HAVCR2: variants seen among roughly 807,000 people sequenced by gnomAD.
The protein encoded by HAVCR2 is hepatitis A virus cellular receptor 2, also known as T cell immunoglobulin mucin 3.
HAVCR2 carries 13 observed loss-of-function variants against 24.7 expected under a neutral mutation model. The observed-to-expected ratio is 0.53, with a 90% CI of 0.34 to 0.84. The LOEUF is 0.84. Among genes scored for constraint, HAVCR2 ranks in the 40% least tolerant of loss-of-function variants. HAVCR2 has a pLI of 0.01. For missense variants in HAVCR2, 343 were observed against 371.2 expected, an observed-to-expected ratio of 0.92 and a Z score of 0.62; for synonymous variants, 154 against 143.4, an observed-to-expected ratio of 1.07 and a Z score of -0.53.
chr5:157,096,782 A>T (rs1162214131), intron 4 of HAVCR2, among the ~76,000 whole-genome samples: 1 of 151,870 alleles, frequency 6.6e-6, no homozygotes, highest in Non-Finnish European at 1.5e-5. Context: ...CATCTCAAAA[A>T]TAAATAATAA....
intron 2 of HAVCR2, 144 bp downstream of exon 2, chr5:157,106,483 C>A (rs759616233): frequency 3.2e-5 from 21 of 656,420 alleles, no homozygotes; most frequent in Non-Finnish European, 4.8e-5. Context: ...TGAGCATCAC[C>A]AATGGGGCCT....
chr5:157,106,805 T>A lies in HAVCR2; in HGVS notation c.216A>T (p.Glu72Asp). Residue 72 changes from glutamate to aspartate, a missense_variant, in exon 2 of 7, where the codon GAA (glutamate) becomes GAT (aspartate). By Grantham distance (45) the Glu-to-Asp change is conservative (BLOSUM62 2). Transcript: ENST00000307851. ...ECGNVVLRTD[E>D]RDVNYWTSRY... is the part of the protein sequence containing the mutation. ...TGGATGTCCAATAATTCACATCCCT[T>A]TCATCAGTCCTGAGCACCACGTTGC... 1 of 1,614,192 alleles carries A rather than the reference T, an allele frequency of 6.2e-7. No individual in the cohort carries two copies. Among genetic ancestry groups the A allele is most frequent in the South Asian group, 1.1e-5 (1 of 91,086 alleles).
At chr5:157,092,673 C>T (rs1186680069) in intron 5 of HAVCR2, among the ~76,000 whole-genome samples, 4 of 151,344 alleles carry the variant, frequency 2.6e-5, no homozygotes, top group Admixed American at 2.0e-4. Context: ...CTCAAACTCC[C>T]AGCCTCAGGT....
At chr5:157,095,887 G>C (rs926294951) in intron 4 of HAVCR2, among the ~76,000 whole-genome samples, 1 of 152,088 alleles carries the variant, frequency 6.6e-6, no homozygotes, top group Admixed American at 6.6e-5. Flanking sequence ...AAAAGACAGT[G>C]ATTCAATAGC....
chr5:157,094,348 G>GTATT (rs571539256), intron 5 of HAVCR2, among the ~76,000 whole-genome samples: 9 of 150,930 alleles, frequency 6.0e-5, no homozygotes, highest in Non-Finnish European at 8.9e-5. Context: ...CCTGGCCATT[G>GTATT]TATTTATTTA....
chr5:157,107,906 A>C, intron 1 of HAVCR2, among the ~76,000 whole-genome samples: 1 of 139,746 alleles, frequency 7.2e-6, no homozygotes, highest in African/African-American at 2.7e-5. Context: ...TCAATATCCC[A>C]CCTTGTCCCC....
In HAVCR2 at chr5:157,108,951, C is replaced by T. The variant is rs890237869; in HGVS notation, c.33G>A (p.Leu11=). The change falls in exon 1 of 7, where the codon CTG becomes CTA. Residue 11 remains leucine, a synonymous_variant. Transcript: ENST00000307851. ...TTGTAAGTAGTAGCAGCAGCAGCAG[C>T]AGGACACAGTCAAAGGGAAGATGTG... The part of the protein sequence containing the change: MFSHLPFDCV[L]LLLLLLLTRS... 4 of 1,613,986 alleles carry T rather than the reference C, an allele frequency of 2.5e-6. No homozygotes were observed. The highest frequency in any genetic ancestry group is 1.7e-5 in the Admixed American group (1 of 60,014).
At chr5:157,096,932 A>G (rs957147410) in intron 4 of HAVCR2, among the ~76,000 whole-genome samples, 12 of 127,494 alleles carry the variant, frequency 9.4e-5, no homozygotes, top group Non-Finnish European at 1.4e-4. Context: ...TACAAAACAC[A>G]CACACACACA....
intron 4 of HAVCR2, among the ~76,000 whole-genome samples, chr5:157,096,683 A>G (rs1757098478): frequency 6.6e-6 from 1 of 152,132 alleles, no homozygotes; most frequent in South Asian, 2.1e-4. Flanking sequence ...AGGCTGAGGC[A>G]GGACAATCGC....
chr5:157,092,900 A>AT (rs1757026901), intron 5 of HAVCR2, among the ~76,000 whole-genome samples: 1 of 114,526 alleles, frequency 8.7e-6, no homozygotes, highest in African/African-American at 3.5e-5. Context: ...AAAAAAAAAA[A>AT]AAAAAAAAAA....
chr5:157,094,667 G>A (rs1324277016), intron 5 of HAVCR2, among the ~76,000 whole-genome samples: 1 of 151,744 alleles, frequency 6.6e-6, no homozygotes, highest in Non-Finnish European at 1.5e-5. Flanking sequence ...ACAGGCGTGA[G>A]CCACTGCGCC....
intron 2 of HAVCR2, among the ~76,000 whole-genome samples, chr5:157,105,917 A>G (rs4704849): frequency 0.83 from 126,836 of 152,090 alleles, 53,021 homozygotes; most frequent in East Asian, 0.99. Flanking sequence ...ACAGTATATC[A>G]GCCAGGCTGG....
chr5:157,107,827 T>TG (rs1757273500), intron 1 of HAVCR2, among the ~76,000 whole-genome samples: 2 of 151,712 alleles, frequency 1.3e-5, no homozygotes, highest in African/African-American at 4.8e-5. Context: ...TGTTATCTAA[T>TG]GTAAAATGCA....
intron 2 of HAVCR2, among the ~76,000 whole-genome samples, chr5:157,105,420 T>A (rs1359406833): frequency 6.6e-6 from 1 of 152,204 alleles, no homozygotes; most frequent in African/African-American, 2.4e-5. Flanking sequence ...CAATGAGCTT[T>A]TCCTTTGAAT....
Position 157,106,853 on chromosome 5 carries a change from T to C in HAVCR2, c.168A>G (p.Gly56=), listed in dbSNP as rs1450027609. 9.9e-6 allele frequency: 16 copies of C among 1,614,196 alleles called. No homozygotes were observed. Among genetic ancestry groups the C allele is most frequent in the Non-Finnish European group, 1.2e-5 (14 of 1,180,034 alleles). The change falls in exon 2 of 7, where the codon GGA becomes GGG. Residue 56 remains glycine, a synonymous_variant. Coordinates refer to ENST00000307851, the MANE Select transcript of HAVCR2 (RefSeq NM_032782.5). ...GNLVPVCWGK[G]ACPVFECGNV... is the part of the protein sequence containing the mutation. ...TGCCACATTCAAACACAGGACAGGC[T>C]CCTTTGCCCCAGCAGACGGGCACGA...
intron 5 of HAVCR2, among the ~76,000 whole-genome samples, chr5:157,093,801 C>T (rs985241349): frequency 3.9e-5 from 6 of 152,046 alleles, no homozygotes; most frequent in East Asian, 3.9e-4. Flanking sequence ...AAAAATTAGC[C>T]AGGCGTGGTG....
At position 157,108,962 on chromosome 5, in the gene HAVCR2, C is replaced by T; in HGVS notation, c.22G>A (p.Asp8Asn). The change falls in exon 1 of 7, where the codon GAC (aspartate) becomes AAC (asparagine). Residue 8 changes from aspartate to asparagine, a missense_variant. Physicochemically the swap from Asp to Asn is conservative, Grantham distance 23. Transcript: ENST00000307851. ...AGCAGCAGCAGCAGCAGGACACAGTCAAAGGGAAGATGTGAAAACATGGAG... is the reference window on the plus strand; with the variant it reads ...AGCAGCAGCAGCAGCAGGACACAGTTAAAGGGAAGATGTGAAAACATGGAG... MFSHLPF[D>N]CVLLLLLLLL... 6.2e-7 allele frequency: 1 copy of T among 1,614,086 alleles called. No homozygotes were observed. Among genetic ancestry groups the T allele is most frequent in the Non-Finnish European group, 8.5e-7 (1 of 1,179,980 alleles).
At chr5:157,097,956 G>T (rs1342888990) in intron 4 of HAVCR2, among the ~76,000 whole-genome samples, 2 of 151,914 alleles carry the variant, frequency 1.3e-5, no homozygotes, top group Admixed American at 6.6e-5. Flanking sequence ...GTTTATTAAG[G>T]TATGGCTTTA....
At chr5:157,095,672 G>A (rs1421423764) in intron 4 of HAVCR2, among the ~76,000 whole-genome samples, 1 of 145,936 alleles carries the variant, frequency 6.9e-6, no homozygotes, top group African/African-American at 2.5e-5. Flanking sequence ...GAAACAAAAT[G>A]TGCCCTTCTG....
Sources: gnomAD v4.1 joint callset for allele counts (sites outside exome capture counted in the v4.1 genomes callset) on GRCh38, gnomAD v4.1.1 for gene constraint, MANE v1.5 for transcripts, NCBI Gene and HGNC (gene_info 2026-07-23, HGNC 2026-07-21) for gene names.